LGSN: variants seen among roughly 807,000 people sequenced by gnomAD.
LGSN encodes the protein lengsin.
A neutral mutation model predicts 19.5 loss-of-function variants in LGSN; 21 were observed. That is an observed-to-expected ratio of 1.07 (90% CI 0.76 to 1.55). LGSN has a LOEUF of 1.55. LGSN is among the 40% of genes most tolerant of loss of function. The pLI is 0.00. For missense variants in LGSN, 673 were observed against 608.5 expected (o/e 1.11, Z -1.12); for synonymous variants, 257 against 215.6 (o/e 1.19, Z -1.68).
At chr6:63,349,009 T>C in the LGSN span, among the ~76,000 whole-genome samples, 39 of 152,308 alleles carry the variant, frequency 2.6e-4, no homozygotes, top group East Asian at 7.5e-3. Context: ...GAATTGTTCC[T>C]GTAAAGTTGA....
the LGSN span, among the ~76,000 whole-genome samples, chr6:63,440,282 G>A: frequency 2.0e-5 from 3 of 152,174 alleles, no homozygotes; most frequent in African/African-American, 7.2e-5. Flanking sequence ...GGAGGACGGG[G>A]TGGAGCCTCG....
At chr6:63,499,892 A>G in the LGSN span, among the ~76,000 whole-genome samples, 1 of 151,252 alleles carries the variant, frequency 6.6e-6, no homozygotes, top group African/African-American at 2.5e-5. Flanking sequence ...ACCAAATATC[A>G]GAGACTCATG....
At chr6:63,549,556 A>C in the LGSN span, 2 of 613,110 alleles carry the variant, frequency 3.3e-6, no homozygotes, top group Non-Finnish European at 5.7e-6. Flanking sequence ...AAATGTTGAC[A>C]AGATTTGAAG....
chr6:63,373,621 A>G, the LGSN span, among the ~76,000 whole-genome samples: 1 of 152,158 alleles, frequency 6.6e-6, no homozygotes, highest in Non-Finnish European at 1.5e-5. Context: ...GACTAAAGAG[A>G]CAAGACAATT....
the LGSN span, among the ~76,000 whole-genome samples, chr6:63,525,098 A>G: frequency 2.6e-5 from 4 of 152,232 alleles, no homozygotes; most frequent in East Asian, 3.8e-4. Context: ...TCCTGCATCA[A>G]ATTATTCAAG....
chr6:63,549,936 A>T, the LGSN span, among the ~76,000 whole-genome samples: 1 of 152,182 alleles, frequency 6.6e-6, no homozygotes, highest in East Asian at 1.9e-4. Context: ...ATTCAGTTTC[A>T]AATTGCTAGA....
At chr6:63,435,906 A>G in the LGSN span, among the ~76,000 whole-genome samples, 1 of 98,386 alleles carries the variant, frequency 1.0e-5, no homozygotes, top group Non-Finnish European at 2.1e-5. Context: ...CATCATCCAA[A>G]TTAAAAAAAA....
At chr6:63,530,118 C>A in the LGSN span, among the ~76,000 whole-genome samples, 1 of 152,002 alleles carries the variant, frequency 6.6e-6, no homozygotes, top group Non-Finnish European at 1.5e-5. Context: ...GAAAATCAAT[C>A]CAAAGAAACT....
chr6:63,311,447 A>G (rs1768624501), intron 1 of LGSN, among the ~76,000 whole-genome samples: 1 of 152,186 alleles, frequency 6.6e-6, no homozygotes, highest in Non-Finnish European at 1.5e-5. Context: ...CATCTTCAAC[A>G]TTGTTTAATC....
the LGSN span, among the ~76,000 whole-genome samples, chr6:63,420,178 A>G: frequency 6.7e-6 from 1 of 149,544 alleles, no homozygotes; most frequent in African/African-American, 2.5e-5. Flanking sequence ...ACTCCAGCGG[A>G]GGCGACAGAC....
chr6:63,403,358 C>CGTGT, the LGSN span, among the ~76,000 whole-genome samples: 1 of 152,096 alleles, frequency 6.6e-6, no homozygotes, highest in African/African-American at 2.4e-5. Context: ...TCAAGATACA[C>CGTGT]ACTCCACATC....
chr6:63,376,486 C>T, the LGSN span, among the ~76,000 whole-genome samples: 1 of 152,206 alleles, frequency 6.6e-6, no homozygotes, highest in African/African-American at 2.4e-5. Context: ...CTGATGCTGA[C>T]ATCTAGAAAA....
chr6:63,454,724 C>T, the LGSN span, among the ~76,000 whole-genome samples: 1 of 151,602 alleles, frequency 6.6e-6, no homozygotes, highest in Non-Finnish European at 1.5e-5. Context: ...TCTGCCTCAG[C>T]CTCCCGAAGT....
the LGSN span, among the ~76,000 whole-genome samples, chr6:63,530,476 A>G: frequency 5.3e-5 from 8 of 152,318 alleles, no homozygotes; most frequent in Non-Finnish European, 8.8e-5. Context: ...AGACGCCCAG[A>G]TGTAAATGGC....
At chr6:63,450,001 A>G in the LGSN span, among the ~76,000 whole-genome samples, 3 of 152,108 alleles carry the variant, frequency 2.0e-5, no homozygotes, top group African/African-American at 7.2e-5. Context: ...GAGTCTGAGA[A>G]AAAGAACAAA....
At chr6:63,565,196 G>C in the LGSN span, among the ~76,000 whole-genome samples, 2 of 150,494 alleles carry the variant, frequency 1.3e-5, no homozygotes, top group African/African-American at 2.4e-5. Context: ...TTTTTTTGTA[G>C]AGACAGGGTC....
chr6:63,418,768 C>G, the LGSN span, among the ~76,000 whole-genome samples: 1 of 152,084 alleles, frequency 6.6e-6, no homozygotes, highest in Non-Finnish European at 1.5e-5. Flanking sequence ...AAAGCCCCCA[C>G]AAAAGCCAGC....
chr6:63,570,646 T>C, the LGSN span, among the ~76,000 whole-genome samples: 2 of 152,238 alleles, frequency 1.3e-5, no homozygotes, highest in Admixed American at 6.5e-5. Flanking sequence ...TTATATCTTG[T>C]CCCACCAAAT....
At chr6:63,519,797 G>A in the LGSN span, among the ~76,000 whole-genome samples, 3 of 152,110 alleles carry the variant, frequency 2.0e-5, no homozygotes, top group Non-Finnish European at 4.4e-5. Flanking sequence ...AAACCAATAA[G>A]AAAATTAGAA....
Sources: allele counts gnomAD v4.1 joint callset (sites outside exome capture counted in the v4.1 genomes callset), GRCh38; gene constraint gnomAD v4.1.1; transcripts MANE v1.5; gene names NCBI Gene and HGNC (gene_info 2026-07-23, HGNC 2026-07-21).